The following XKR4 variants were observed in gnomAD, a reference collection of about 807,000 sequenced individuals.
XKR4 encodes the protein XK related 4, also known as XK-related protein 4.
In XKR4, 12 loss-of-function variants were observed where a neutral mutation model predicts 53.9. The ratio of observed to expected loss-of-function variants is 0.22; its 90% CI spans 0.14 to 0.36. The LOEUF (loss-of-function observed/expected upper bound fraction) is 0.36, where lower values mean the gene tolerates loss of function less well. Ranked by LOEUF, XKR4 falls within the 10% of genes least tolerant of loss-of-function variation. The pLI, the probability that XKR4 is intolerant of heterozygous loss-of-function variation, is 1.00. For synonymous variants in XKR4, 354 were observed against 362.4 expected (o/e 0.98, Z 0.26); for missense variants, 799 against 859.5 (o/e 0.93, Z 0.88).
At chr8:55,175,789 G>T (rs968088116) in intron 1 of XKR4, among the ~76,000 whole-genome samples, 1 of 152,156 alleles carries the variant, frequency 6.6e-6, no homozygotes, top group Non-Finnish European at 1.5e-5. Flanking sequence ...CCATATCAGT[G>T]TGTAATAATA....
chr8:55,176,513 C>T (rs538813062), intron 1 of XKR4, among the ~76,000 whole-genome samples: 35 of 152,172 alleles, frequency 2.3e-4, no homozygotes, highest in Admixed American at 3.3e-4. Flanking sequence ...TCTTAATGTC[C>T]GGTCTTTGGA....
chr8:55,196,948 G>A (rs764985829), intron 1 of XKR4, among the ~76,000 whole-genome samples: 7 of 152,228 alleles, frequency 4.6e-5, no homozygotes, highest in South Asian at 2.1e-4. Flanking sequence ...GAGGACTTCC[G>A]GCTCCTTCAC....
intron 1 of XKR4, among the ~76,000 whole-genome samples, chr8:55,199,700 G>A (rs1219855313): frequency 6.6e-6 from 1 of 152,182 alleles, no homozygotes; most frequent in Non-Finnish European, 1.5e-5. Flanking sequence ...ACTAACATTA[G>A]AGAAAATAAA....
intron 2 of XKR4, among the ~76,000 whole-genome samples, chr8:55,519,765 G>A (rs576191672): frequency 6.6e-6 from 1 of 152,270 alleles, no homozygotes; most frequent in East Asian, 1.9e-4. Context: ...GGTTATGTAA[G>A]AGAATGCCCC....
intron 2 of XKR4, among the ~76,000 whole-genome samples, chr8:55,460,540 G>T (rs936175160): frequency 6.6e-6 from 1 of 152,218 alleles, no homozygotes; most frequent in Non-Finnish European, 1.5e-5. Context: ...TCAGTCTACA[G>T]CTCCCAGCAT....
intron 2 of XKR4, among the ~76,000 whole-genome samples, chr8:55,409,240 C>A (rs1238058316): frequency 2.0e-5 from 3 of 150,098 alleles, no homozygotes; most frequent in African/African-American, 7.4e-5. Flanking sequence ...AAGCAGGCAC[C>A]TGCCTGCCCT....
chr8:55,140,473 T>A (rs1387910167), intron 1 of XKR4, among the ~76,000 whole-genome samples: 1 of 152,232 alleles, frequency 6.6e-6, no homozygotes, highest in Non-Finnish European at 1.5e-5. Flanking sequence ...GATCTCAGTT[T>A]AAGGAATGGC....
chr8:55,460,502 G>A (rs1179764195), intron 2 of XKR4, among the ~76,000 whole-genome samples: 1 of 152,188 alleles, frequency 6.6e-6, no homozygotes, highest in Non-Finnish European at 1.5e-5. Context: ...TGGGAGGGTG[G>A]AGCCAAGATG....
chr8:55,165,051 CA>C (rs759257128), intron 1 of XKR4, among the ~76,000 whole-genome samples: 7 of 152,276 alleles, frequency 4.6e-5, no homozygotes, highest in Non-Finnish European at 8.8e-5. Flanking sequence ...GTAGAATGGG[CA>C]GCCCTAGGAA....
intron 2 of XKR4, among the ~76,000 whole-genome samples, chr8:55,406,481 CATATACATAAAT>C (rs1804684428): frequency 1.3e-5 from 2 of 152,164 alleles, no homozygotes; most frequent in Admixed American, 6.5e-5. Context: ...TCCCACAGAT[CATATACATAAAT>C]ATATACATGC....
intron 1 of XKR4, among the ~76,000 whole-genome samples, chr8:55,156,259 C>T (rs16921288): frequency 0.017 from 2,600 of 151,774 alleles, 74 homozygotes; most frequent in East Asian, 0.12. Context: ...TCTGTTGGAA[C>T]ACTCAGGGAA....
chr8:55,164,439 C>T (rs1398890975), intron 1 of XKR4: 1 of 456,264 alleles, frequency 2.2e-6, no homozygotes, highest in Non-Finnish European at 4.4e-6. Context: ...AATAAAAGCA[C>T]CTTGAGGACA....
At chr8:55,508,768 A>T (rs1036075929) in intron 2 of XKR4, among the ~76,000 whole-genome samples, 5 of 152,248 alleles carry the variant, frequency 3.3e-5, no homozygotes, top group African/African-American at 1.2e-4. Flanking sequence ...ACAACTGAGT[A>T]TAAAGAAATC....
chr8:55,231,544 T>A (rs1467761535), intron 1 of XKR4, among the ~76,000 whole-genome samples: 3 of 152,156 alleles, frequency 2.0e-5, no homozygotes, highest in African/African-American at 7.2e-5. Flanking sequence ...ATCCCCAGCC[T>A]GCCCCATCCT....
rs549778290 is a variant in XKR4 at position 55,538,984 on chromosome 8, A to C, written c.*14757A>C. The C allele has an allele frequency of 2.6e-5, 4 of 152,300 alleles. No homozygotes were observed. In the East Asian group the frequency reaches 7.7e-4, roughly 29 times the overall value. 9.4% of individuals were successfully genotyped at this position (152,300 alleles called of 1,614,324 possible). A position where few individuals can be genotyped will look rare whatever the true frequency, so the allele number is the denominator to read the frequency against. On this transcript the variant is annotated 3_prime_UTR_variant, in exon 3 of 3. Coordinates refer to ENST00000327381, the MANE Select transcript of XKR4 (RefSeq NM_052898.2). ...TTTTTACACAGGGCTTCAGCTATAT[A>C]CTGATATACATATGCTTACATGTGC...
At chr8:55,497,484 T>C (rs1176952216) in intron 2 of XKR4, among the ~76,000 whole-genome samples, 7 of 152,238 alleles carry the variant, frequency 4.6e-5, no homozygotes, top group Admixed American at 1.3e-4. Flanking sequence ...TTTATTAACT[T>C]ATTTACCCTC....
Position 55,103,032 on chromosome 8 carries a change from G to C in XKR4, c.544G>C (p.Ala182Pro), listed in dbSNP as rs1239512026. The part of the protein sequence containing the change: ...STEDSATAAA[A>P]SSCPQPGADC... The stretch of plus-strand genomic sequence containing the variant: ...CGAGGACAGCGCCACGGCCGCTGCT[G>C]CCTCCAGCTGCCCGCAGCCTGGAGC... The change falls in exon 1 of 3, where the codon GCC (alanine) becomes CCC (proline). Residue 182 changes from alanine to proline, a missense_variant. Around this residue, in one of 3 missense-constraint regions of XKR4, gnomAD observed 476 missense variants for 505.4 expected, o/e 0.94. Coordinates refer to ENST00000327381, the MANE Select transcript of XKR4 (RefSeq NM_052898.2). 4 of 1,612,534 alleles carry C rather than the reference G, an allele frequency of 2.5e-6. No individual in the cohort carries two copies. Among genetic ancestry groups the C allele is most frequent in the Non-Finnish European group, 3.4e-6 (4 of 1,179,758 alleles).
At position 55,105,144 on chromosome 8, in the gene XKR4, G is replaced by A. The variant is rs189245988; in HGVS notation, c.806+1850G>A. On this transcript the variant is annotated intron_variant, in intron 1 of 2. Coordinates refer to ENST00000327381, the MANE Select transcript of XKR4 (RefSeq NM_052898.2). ...TGAAAAATCTGATATTAAATTCTGT[G>A]AACCGAGGAAGTCCTTTTAATTATA... 3.0e-3 allele frequency among the ~76,000 whole-genome samples: 463 copies of A among 152,098 alleles called. 2 individuals are homozygous for A. Among genetic ancestry groups the A allele is most frequent in the African/African-American group, 0.011 (441 of 41,508 alleles).
chr8:55,147,990 G>A (rs141457322), intron 1 of XKR4, among the ~76,000 whole-genome samples: 14 of 152,246 alleles, frequency 9.2e-5, no homozygotes, highest in Non-Finnish European at 8.8e-5. Context: ...GGGACTTCTG[G>A]TGGCCTTGGT....
Sources: allele counts gnomAD v4.1 joint callset (sites outside exome capture counted in the v4.1 genomes callset), GRCh38; gene constraint gnomAD v4.1.1; regional missense constraint gnomAD v4.1.1; transcripts MANE v1.5; gene names NCBI Gene and HGNC (gene_info 2026-07-23, HGNC 2026-07-21).